The following C18orf63 variants were observed in gnomAD, a reference collection of about 807,000 sequenced individuals.
The protein encoded by C18orf63 is chromosome 18 open reading frame 63.
In C18orf63, 50 loss-of-function variants were observed where a neutral mutation model predicts 75.3. That is an observed-to-expected ratio of 0.66 (90% CI 0.53 to 0.84). The LOEUF (loss-of-function observed/expected upper bound fraction) is 0.84. C18orf63 is among the 40% of genes least tolerant of loss of function. C18orf63 has a pLI of 0.00. For missense variants in C18orf63, 732 were observed against 800.2 expected, an observed-to-expected ratio of 0.91 and a Z score of 1.03; for synonymous variants, 232 against 267.6, an observed-to-expected ratio of 0.87 and a Z score of 1.30.
In C18orf63 at chr18:74,342,129, G is replaced by C; in HGVS notation, c.708+1G>C. ...TTTCCAGAGACACTGGGATGCCCTGGTAAGGAATGGAAATATATGTTACAT... is the reference window on the plus strand; with the variant it reads ...TTTCCAGAGACACTGGGATGCCCTGCTAAGGAATGGAAATATATGTTACAT... On this transcript the variant is annotated splice_donor_variant, in intron 9 of 13. Transcript: ENST00000579455. LOFTEE classifies it high-confidence loss of function. 1 of 1,485,708 alleles carries C rather than the reference G, an allele frequency of 6.7e-7. No individual in the cohort carries two copies. The highest frequency in any genetic ancestry group is 9.1e-7 in the Non-Finnish European group (1 of 1,101,936). 92.0% of individuals were successfully genotyped at this position (1,485,708 alleles called of 1,614,324 possible).
rs749639569 is a variant in C18orf63 at position 74,330,962 on chromosome 18, C to T, written c.501+20C>T. On this transcript the variant is annotated intron_variant, in intron 7 of 13. Transcript: ENST00000579455. ...CCTGAGGTACCATATATTGTGATTT[C>T]TATACTTTATTATATTTACTATATA... The T allele has an allele frequency of 1.5e-4, 172 of 1,116,104 alleles. 2 individuals carry two copies. In the Middle Eastern group the frequency reaches 6.4e-3, roughly 42 times the overall value. The allele number at this position is 1,116,104 out of a possible 1,614,324, so 69.1% of individuals were successfully genotyped here. A position where few individuals can be genotyped will look rare whatever the true frequency, so the allele number is the denominator to read the frequency against.
At chr18:74,339,218 T>C (rs901375744) in intron 8 of C18orf63, among the ~76,000 whole-genome samples, 5 of 152,080 alleles carry the variant, frequency 3.3e-5, no homozygotes, top group African/African-American at 1.2e-4. Context: ...AATTTGTTAC[T>C]AGTATAAGCA....
intron 2 of C18orf63, among the ~76,000 whole-genome samples, chr18:74,319,743 C>T (rs1245970441): frequency 2.0e-5 from 3 of 151,092 alleles, no homozygotes; most frequent in Admixed American, 2.0e-4. Flanking sequence ...TGCCCACCAC[C>T]TTTTTTTTTA....
chr18:74,353,105 T>G, intron 11 of C18orf63, 141 bp from the exon 12 acceptor site: 1 of 641,784 alleles, frequency 1.6e-6, no homozygotes, highest in East Asian at 2.8e-5. Flanking sequence ...AGGCTCATTT[T>G]TATTTTGTTT....
intron 11 of C18orf63, among the ~76,000 whole-genome samples, chr18:74,348,802 C>CT (rs1984617121): frequency 1.3e-5 from 2 of 152,022 alleles, no homozygotes; most frequent in Admixed American, 1.3e-4. Context: ...CTTTTGTAGT[C>CT]TTTTTATAAA....
intron 11 of C18orf63, among the ~76,000 whole-genome samples, chr18:74,344,664 A>G (rs1207584356): frequency 6.6e-6 from 1 of 152,140 alleles, no homozygotes; most frequent in Non-Finnish European, 1.5e-5. Context: ...CATGTAAAAT[A>G]AATCATAGAG....
Position 74,317,826 on chromosome 18 carries a change from T to C in C18orf63, c.-32-8T>C. The C allele has an allele frequency of 6.8e-7, 1 of 1,469,272 alleles. No individual in the cohort carries two copies. The highest frequency in any genetic ancestry group is 2.5e-5 in the East Asian group (1 of 39,634). 91.0% of individuals were successfully genotyped at this position (1,469,272 alleles called of 1,614,324 possible). A position where few individuals can be genotyped will look rare whatever the true frequency, so the allele number is the denominator to read the frequency against. On this transcript the variant is annotated splice_region_variant and splice_polypyrimidine_tract_variant and intron_variant, in intron 1 of 13. Coordinates refer to ENST00000579455, the MANE Select transcript of C18orf63 (RefSeq NM_001174123.2). Reference sequence around the variant, plus strand: ...TTTACTACCTTTTTTTGCTGTTTATTTTTAAAGGCCTGATTGCTGAGACAC... The same window carrying C: ...TTTACTACCTTTTTTTGCTGTTTATCTTTAAAGGCCTGATTGCTGAGACAC...
chr18:74,353,820 C>G lies in C18orf63; in HGVS notation c.1553C>G (p.Ser518Cys). The G allele has an allele frequency of 6.5e-7, 1 of 1,535,748 alleles. No homozygotes were observed. The highest frequency in any genetic ancestry group is 1.4e-5 in the African/African-American group (1 of 73,114). ...SRPLQEKNTE[S>C]SENMTKFPSS... is the part of the protein sequence containing the mutation. ...CCTCTGCAAGAAAAAAATACAGAGT[C>G]TTCTGAAAATATGACAAAATTTCCC... Residue 518 changes from serine (S) to cysteine (C), a missense_variant, in exon 12 of 14, where the codon TCT (serine) becomes TGT (cysteine). By Grantham distance (112) the Ser-to-Cys change is moderately radical. Coordinates refer to ENST00000579455, the MANE Select transcript of C18orf63 (RefSeq NM_001174123.2).
rs192497040 is a variant in C18orf63, at chr18:74,319,716, T to C, written c.135-797T>C. Among the ~76,000 whole-genome samples, 18 of 152,274 alleles carry C rather than the reference T, an allele frequency of 1.2e-4. No individual in the cohort carries two copies. The East Asian group carries it at 2.9e-3, about 25-fold the overall frequency. On this transcript the variant is annotated intron_variant, in intron 2 of 13. Transcript: ENST00000579455. ...CACTGATAGGTGAATCCTTAGACTC[T>C]TGCCTCTGGTGCCCCCTGCCCACCA...
intron 1 of C18orf63, among the ~76,000 whole-genome samples, chr18:74,316,357 C>T (rs1373684963): frequency 6.6e-6 from 1 of 152,180 alleles, no homozygotes; most frequent in Non-Finnish European, 1.5e-5. Context: ...TTTCCACTCA[C>T]GTCCATTACT....
chr18:74,343,785 A>C, intron 11 of C18orf63, 83 bp downstream of exon 11: 1 of 815,772 alleles, frequency 1.2e-6, no homozygotes, highest in Non-Finnish European at 1.8e-6. Context: ...CTGGGGTGGA[A>C]CACCCAACGC....
chr18:74,343,423 CT>C, intron 10 of C18orf63, 95 bp from the exon 11 acceptor site: 1 of 700,188 alleles, frequency 1.4e-6, no homozygotes, highest in Non-Finnish European at 2.3e-6. Flanking sequence ...TTATGTGTGC[CT>C]TTTTAACATT....
intron 3 of C18orf63, among the ~76,000 whole-genome samples, chr18:74,321,929 A>C (rs568909935): frequency 6.6e-6 from 1 of 152,246 alleles, no homozygotes; most frequent in East Asian, 1.9e-4. Flanking sequence ...TTTCCTGGAT[A>C]TCTTTCCATG....
chr18:74,342,721 T>C (rs1984509536), intron 10 of C18orf63, among the ~76,000 whole-genome samples: 2 of 152,168 alleles, frequency 1.3e-5, no homozygotes, highest in African/African-American at 4.8e-5. Flanking sequence ...TTTGAGGAGA[T>C]TATCTAATTT....
At chr18:74,350,166 T>G (rs1307961650) in intron 11 of C18orf63, among the ~76,000 whole-genome samples, 1 of 152,144 alleles carries the variant, frequency 6.6e-6, no homozygotes, top group African/African-American at 2.4e-5. Flanking sequence ...TCAACAGAGA[T>G]AGTATATGAG....
intron 7 of C18orf63, among the ~76,000 whole-genome samples, chr18:74,335,656 A>C (rs1356129837): frequency 6.6e-6 from 1 of 152,146 alleles, no homozygotes; most frequent in Non-Finnish European, 1.5e-5. Flanking sequence ...AATTATATGG[A>C]AAATTTGGGA....
At chr18:74,317,112 A>G (rs1984039773) in intron 1 of C18orf63, among the ~76,000 whole-genome samples, 1 of 152,214 alleles carries the variant, frequency 6.6e-6, no homozygotes, top group Admixed American at 6.5e-5. Flanking sequence ...ATTCTTTCTT[A>G]AAAAGAAAAA....
chr18:74,355,175 GAACC>G (rs1313262112), intron 13 of C18orf63, among the ~76,000 whole-genome samples: 3 of 152,094 alleles, frequency 2.0e-5, no homozygotes, highest in African/African-American at 7.2e-5. Context: ...GATTCTTTAA[GAACC>G]AACTAGAAAA....
intron 3 of C18orf63, among the ~76,000 whole-genome samples, 194 bp downstream of exon 3, chr18:74,320,785 C>T (rs569035131): frequency 4.8e-4 from 73 of 152,176 alleles, no homozygotes; most frequent in African/African-American, 1.5e-3. Context: ...TTTTGTGGTT[C>T]TAATTTAACA....
Sources: allele counts gnomAD v4.1 joint callset (sites outside exome capture counted in the v4.1 genomes callset), GRCh38; gene constraint gnomAD v4.1.1; transcripts MANE v1.5; gene names NCBI Gene and HGNC (gene_info 2026-07-23, HGNC 2026-07-21).